Variants in CYTH1 observed in about 807,000 individuals in gnomAD.
CYTH1 encodes the protein cytohesin 1.
CYTH1 carries 18 observed loss-of-function variants against 61.8 expected under a neutral mutation model. That is an observed-to-expected ratio of 0.29 (90% CI 0.20 to 0.43). The LOEUF is 0.43. Among genes scored for constraint, CYTH1 ranks in the 20% least tolerant of loss-of-function variants. The pLI, the probability that CYTH1 is intolerant of heterozygous loss-of-function variation, is 1.00. For synonymous variants in CYTH1, 174 were observed against 184.3 expected (o/e 0.94, Z 0.45); for missense variants, 336 against 510.5 (o/e 0.66, Z 3.29).
At chr17:78,761,677 G>A (rs1159613601) in intron 1 of CYTH1, among the ~76,000 whole-genome samples, 1 of 152,156 alleles carries the variant, frequency 6.6e-6, no homozygotes, top group Admixed American at 6.5e-5. Flanking sequence ...GGCGGAGCTT[G>A]CAGTGAGACG....
In CYTH1 at chr17:78,721,191, G is replaced by A. The variant is rs368207365; in HGVS notation, c.23-11459C>T. Among the ~76,000 whole-genome samples, 5 of 152,254 alleles carry A rather than the reference G, an allele frequency of 3.3e-5. No homozygotes were observed. The South Asian group carries it at 8.3e-4, about 25-fold the overall frequency. ...CTAAAAATACAAAAATTAGCCAGGC[G>A]TGGTGGCATGCAGCTGTAGTCCCAG... On this transcript the variant is annotated intron_variant, in intron 1 of 13. Transcript: ENST00000446868.
At chr17:78,774,331 G>A (rs2093483036) in intron 1 of CYTH1, among the ~76,000 whole-genome samples, 1 of 152,144 alleles carries the variant, frequency 6.6e-6, no homozygotes, top group Admixed American at 6.5e-5. Context: ...AAATAATTGT[G>A]TTCTTTTCAA....
At chr17:78,681,170 G>T in intron 11 of CYTH1, 128 bp from the exon 12 acceptor site, 1 of 859,698 alleles carries the variant, frequency 1.2e-6, no homozygotes, top group Non-Finnish European at 1.9e-6. Context: ...AAATCAGCCT[G>T]AGGGAACTCC....
chr17:78,782,247 T>C lies in CYTH1; in HGVS notation c.-24A>G. On this transcript the variant is annotated 5_prime_UTR_variant, in exon 1 of 14. Coordinates refer to ENST00000446868, the MANE Select transcript of CYTH1 (RefSeq NM_004762.6). ...ATGGTGCGGGAGCCGGGCTCCGCGC[T>C]CCGGCTCGCCGCTCGCGTCCCGCCG... 2.3e-6 allele frequency: 3 copies of C among 1,284,400 alleles called. No individual in the cohort carries two copies. Among genetic ancestry groups the C allele is most frequent in the Admixed American group, 3.1e-5 (1 of 32,240 alleles). The allele number at this position is 1,284,400 out of a possible 1,614,324, so 79.6% of individuals were successfully genotyped here.
At chr17:78,689,562 C>T (rs1298892072) in intron 11 of CYTH1, among the ~76,000 whole-genome samples, 3 of 152,126 alleles carry the variant, frequency 2.0e-5, no homozygotes, top group Non-Finnish European at 4.4e-5. Context: ...GATGAAGCTT[C>T]CACCGCTCGC....
intron 1 of CYTH1, among the ~76,000 whole-genome samples, chr17:78,731,278 A>G (rs1288842240): frequency 6.6e-6 from 1 of 152,158 alleles, no homozygotes; most frequent in Admixed American, 6.5e-5. Context: ...CCAGGGCTAG[A>G]CTAGATAACT....
Position 78,702,543 on chromosome 17 carries a change from T to C in CYTH1, c.232A>G (p.Lys78Glu). 1 of 1,614,048 alleles carries C rather than the reference T, an allele frequency of 6.2e-7. No individual in the cohort carries two copies. Among genetic ancestry groups the C allele is most frequent in the Non-Finnish European group, 8.5e-7 (1 of 1,179,986 alleles). ...MGRKKFNMDP[K>E]KGIQFLIEND... ...CCCGCTTCTTTCTCACTTACCTTTT[T>C]AGGGTCCATATTAAATTTTTTCCTG... is the stretch of plus-strand genomic sequence containing the variant. The change falls in exon 4 of 14, where the codon AAA becomes GAA. Residue 78 changes from lysine (K) to glutamate (E), a missense_variant. Physicochemically the swap from Lys to Glu is moderately conservative, Grantham distance 56. This residue lies in a region of CYTH1 where 112 missense variants were observed against 127.1 expected (regional missense o/e 0.88). Transcript: ENST00000446868.
At chr17:78,715,058 A>C (rs1162871267) in intron 1 of CYTH1, among the ~76,000 whole-genome samples, 2 of 152,204 alleles carry the variant, frequency 1.3e-5, no homozygotes, top group Admixed American at 1.3e-4. Flanking sequence ...ACCTGGAAAT[A>C]TAAGCAAAAA....
chr17:78,691,701 C>G (rs1044276529), intron 11 of CYTH1: 1 of 152,218 alleles, frequency 6.6e-6, no homozygotes, highest in African/African-American at 2.4e-5. Flanking sequence ...CACCCCATCA[C>G]CAGTCCGGTG....
chr17:78,776,214 G>A (rs2093490356), intron 1 of CYTH1, among the ~76,000 whole-genome samples: 2 of 152,106 alleles, frequency 1.3e-5, no homozygotes, highest in Non-Finnish European at 2.9e-5. Context: ...CACGGCAACT[G>A]CAGTCATTAG....
chr17:78,676,375 AC>A, intron 13 of CYTH1: 1 of 571,328 alleles, frequency 1.8e-6, no homozygotes, highest in South Asian at 2.3e-5. Flanking sequence ...ACACAGGAAC[AC>A]GTGACAAGAA....
At chr17:78,695,241 C>T (rs539585679) in intron 10 of CYTH1, among the ~76,000 whole-genome samples, 30 of 152,148 alleles carry the variant, frequency 2.0e-4, no homozygotes, top group Non-Finnish European at 4.0e-4. Context: ...GAGACCGATT[C>T]GGGGCTTTAA....
intron 9 of CYTH1, chr17:78,696,945 T>C (rs2092945020): frequency 6.6e-6 from 1 of 152,220 alleles, no homozygotes; most frequent in Non-Finnish European, 1.5e-5. Flanking sequence ...GGGTTAGTAA[T>C]TTTAGAGCCT....
intron 1 of CYTH1, among the ~76,000 whole-genome samples, chr17:78,779,430 G>T (rs1364911095): frequency 1.3e-5 from 2 of 150,942 alleles, no homozygotes; most frequent in Admixed American, 1.3e-4. Flanking sequence ...AAAAGAAAGG[G>T]GAAGAATAAA....
intron 1 of CYTH1, among the ~76,000 whole-genome samples, chr17:78,730,310 G>C (rs2144589560): frequency 6.9e-6 from 1 of 145,388 alleles, no homozygotes; most frequent in East Asian, 2.1e-4. Flanking sequence ...CGGATCACGA[G>C]GTCAGGAGAT....
chr17:78,740,346 T>C (rs2093337560), intron 1 of CYTH1, among the ~76,000 whole-genome samples: 1 of 152,174 alleles, frequency 6.6e-6, no homozygotes, highest in Admixed American at 6.5e-5. Flanking sequence ...GCCTCACAGG[T>C]CCCCTGCTCC....
chr17:78,677,347 G>C (rs2092711598), intron 13 of CYTH1: 1 of 249,656 alleles, frequency 4.0e-6, no homozygotes, highest in Non-Finnish European at 8.0e-6. Flanking sequence ...AGTGTCAGGC[G>C]ATGAGGGGGG....
intron 6 of CYTH1, 40 bp downstream of exon 6, chr17:78,701,631 T>A: frequency 6.3e-7 from 1 of 1,581,974 alleles, no homozygotes; most frequent in Admixed American, 1.7e-5. Flanking sequence ...AAGGCTAGCC[T>A]CCCACTCCTT....
At chr17:78,693,957 G>C (rs183187194) in intron 10 of CYTH1, among the ~76,000 whole-genome samples, 37 of 152,276 alleles carry the variant, frequency 2.4e-4, no homozygotes, top group African/African-American at 8.7e-4. Flanking sequence ...AGGATCATGG[G>C]GCATAAATCT....
Sources: gnomAD v4.1 joint callset for allele counts (sites outside exome capture counted in the v4.1 genomes callset) on GRCh38, gnomAD v4.1.1 for gene constraint, gnomAD v4.1.1 regional missense constraint, MANE v1.5 for transcripts, NCBI Gene and HGNC (gene_info 2026-07-23, HGNC 2026-07-21) for gene names.